The following LOXL2 variants were observed in gnomAD, a reference collection of about 807,000 sequenced individuals.
LOXL2 encodes the protein lysyl oxidase homolog 2.
A neutral mutation model predicts 93.0 loss-of-function variants in LOXL2; 70 were observed. The ratio of observed to expected loss-of-function variants is 0.75; its 90% CI spans 0.62 to 0.92. The LOEUF is 0.92. LOXL2 is among the 40% of genes least tolerant of loss of function. LOXL2 has a pLI of 0.00. For missense variants in LOXL2, 973 were observed against 1,054.9 expected (o/e 0.92, Z 1.08); for synonymous variants, 438 against 413.2 (o/e 1.06, Z -0.73).
Position 23,393,585 on chromosome 8 carries a change from C to T in LOXL2, c.-84+10369G>A, listed in dbSNP as rs1239604266. ...AAAGACCTTAATGTAAAAGCTAAAA[C>T]TGTAAAACCCTTAGAATAAAACATA... On this transcript the variant is annotated intron_variant, in intron 1 of 13. Transcript: ENST00000389131. 2.0e-5 allele frequency among the ~76,000 whole-genome samples: 3 copies of T among 152,168 alleles called. 1 individual carries two copies. The highest frequency in any genetic ancestry group is 6.5e-5 in the Admixed American group (1 of 15,278).
chr8:23,311,253 A>G (rs1377977232), intron 9 of LOXL2, among the ~76,000 whole-genome samples: 1 of 152,198 alleles, frequency 6.6e-6, no homozygotes, highest in African/African-American at 2.4e-5. Flanking sequence ...GGCATCCTCT[A>G]GAGAGCAGAT....
At chr8:23,379,289 C>G (rs1050305992) in intron 1 of LOXL2, among the ~76,000 whole-genome samples, 1 of 152,198 alleles carries the variant, frequency 6.6e-6, no homozygotes, top group Non-Finnish European at 1.5e-5. Flanking sequence ...CTGATTGTTC[C>G]TCTGGAAGCT....
rs1800119583 is a variant in LOXL2 at position 23,398,325 on chromosome 8, TTG to T, written c.-84+5627_-84+5628del. 2.6e-5 allele frequency among the ~76,000 whole-genome samples: 4 copies of T among 152,222 alleles called. No individual in the cohort carries two copies. The South Asian group carries it at 8.3e-4, about 31-fold the overall frequency. On this transcript the variant is annotated intron_variant, in intron 1 of 13. Transcript: ENST00000389131. ...CAACACATCAAGGAGGATATGTCTG[TTG>T]CCACAGGACATCCAGAGGGCCAGCT...
intron 1 of LOXL2, among the ~76,000 whole-genome samples, chr8:23,398,032 T>C (rs1427375680): frequency 6.6e-6 from 1 of 151,196 alleles, no homozygotes; most frequent in Non-Finnish European, 1.5e-5. Context: ...TTTAGAAAGA[T>C]ATTTAGAAAA....
chr8:23,397,952 C>T (rs1234513204), intron 1 of LOXL2, among the ~76,000 whole-genome samples: 3 of 112,512 alleles, frequency 2.7e-5, no homozygotes, highest in African/African-American at 1.1e-4. Context: ...CAGAGTAAGA[C>T]TCTGTCTCAA....
chr8:23,301,993 C>T, intron 12 of LOXL2, 34 bp downstream of exon 12: 1 of 1,612,766 alleles, frequency 6.2e-7, no homozygotes, highest in Non-Finnish European at 8.5e-7. Flanking sequence ...CCTCCTCCCC[C>T]TGCAGGGCTG....
Position 23,298,122 on chromosome 8 carries a change from C to T in LOXL2, c.2246G>A (p.Gly749Asp). 6.2e-7 allele frequency: 1 copy of T among 1,612,606 alleles called. No homozygotes were observed. Among genetic ancestry groups the T allele is most frequent in the Non-Finnish European group, 8.5e-7 (1 of 1,179,200 alleles). Residue 749 changes from glycine (G) to aspartate (D), a missense_variant and splice_region_variant, in exon 14 of 14, where the codon GGT (glycine) becomes GAT (aspartate). Physicochemically the swap from Gly to Asp is moderately conservative, Grantham distance 94. Coordinates refer to ENST00000389131, the MANE Select transcript of LOXL2 (RefSeq NM_002318.3). ...TTCCGTCTCTTCGCTGAAGGAACCA[C>T]CTGAAGAGCGAGAATCGGGTAGAGA... is the stretch of plus-strand genomic sequence containing the variant. ...HRIWMYNCHI[G>D]GSFSEETEKK...
chr8:23,344,143 A>G (rs1040256304), intron 3 of LOXL2, among the ~76,000 whole-genome samples: 5 of 152,236 alleles, frequency 3.3e-5, no homozygotes, highest in African/African-American at 1.2e-4. Flanking sequence ...GCCTGAGGCC[A>G]GCACACACCA....
chr8:23,378,913 T>C (rs887286955), intron 1 of LOXL2, among the ~76,000 whole-genome samples: 3 of 152,270 alleles, frequency 2.0e-5, no homozygotes, highest in Non-Finnish European at 4.4e-5. Flanking sequence ...AGTTTGATCG[T>C]CTGAAGCCTT....
chr8:23,320,011 C>T lies in LOXL2; in HGVS notation c.1344G>A (p.Val448=), dbSNP rs1803469175. ...ACCCGTTTCTCTCCACCAGCACCTC[C>T]ACTCGGCCCTCGTAGGGATTGCGGC... The part of the protein sequence containing the change: ...NGGRNPYEGR[V]EVLVERNGSL... Residue 448 remains valine (V), a synonymous_variant, in exon 8 of 14, where the codon GTG becomes GTA. Transcript: ENST00000389131. 1.9e-6 allele frequency: 3 copies of T among 1,614,018 alleles called. No homozygotes were observed. The highest frequency in any genetic ancestry group is 2.2e-5 in the East Asian group (1 of 44,894).
At chr8:23,371,341 G>C (rs1400211213) in intron 1 of LOXL2, among the ~76,000 whole-genome samples, 1 of 152,178 alleles carries the variant, frequency 6.6e-6, no homozygotes, top group Admixed American at 6.5e-5. Flanking sequence ...CAGTAAGGAG[G>C]CGTAGGAAGG....
rs1554478403 is a variant in LOXL2 at position 23,332,913 on chromosome 8, C to CA, written c.966+487_966+488insT. Among the ~76,000 whole-genome samples the CA allele has an allele frequency of 8.0e-5, 12 of 149,202 alleles. No individual in the cohort carries two copies. In the South Asian group the frequency reaches 1.3e-3, roughly 16 times the overall value. On this transcript the variant is annotated intron_variant, in intron 5 of 13. Transcript: ENST00000389131. ...ACACCCCCATACACATACACCCCCCCCACAGAGGGGGGGTGTTTCACATAA... is the reference window on the plus strand; with the variant it reads ...ACACCCCCATACACATACACCCCCCCACACAGAGGGGGGGTGTTTCACATAA...
At chr8:23,378,559 C>T (rs7818012) in intron 1 of LOXL2, among the ~76,000 whole-genome samples, 68,445 of 151,994 alleles carry the variant, frequency 0.45, 15,712 homozygotes, top group East Asian at 0.66. Context: ...CCATTCTCCC[C>T]GTCACTTTCA....
chr8:23,371,149 C>T (rs188527983), intron 1 of LOXL2: 1 of 152,208 alleles, frequency 6.6e-6, no homozygotes, highest in African/African-American at 2.4e-5. Flanking sequence ...TTCAACAGCG[C>T]AACATTTTCA....
At chr8:23,303,680 G>C (rs538316695) in intron 10 of LOXL2, among the ~76,000 whole-genome samples, 1 of 152,308 alleles carries the variant, frequency 6.6e-6, no homozygotes, top group South Asian at 2.1e-4. Flanking sequence ...GGGTACCAGG[G>C]AGGTGAGCAG....
chr8:23,303,069 C>G (rs1264669989), intron 11 of LOXL2, among the ~76,000 whole-genome samples: 1 of 152,054 alleles, frequency 6.6e-6, no homozygotes, highest in East Asian at 1.9e-4. Context: ...TGCCTGTCAG[C>G]ACAGCTCTGG....
At chr8:23,374,878 T>C (rs1804562181) in intron 1 of LOXL2, among the ~76,000 whole-genome samples, 1 of 152,224 alleles carries the variant, frequency 6.6e-6, no homozygotes, top group African/African-American at 2.4e-5. Context: ...GCAAAAATTT[T>C]CTCCCATTTT....
Position 23,360,081 on chromosome 8 carries a change from A to G in LOXL2, c.531+9T>C, listed in dbSNP as rs761447544. 1.3e-6 allele frequency: 2 copies of G among 1,592,784 alleles called. No individual in the cohort carries two copies. The highest frequency in any genetic ancestry group is 1.7e-6 in the Non-Finnish European group (2 of 1,161,926). ...TGCATGAAGGAAACATCAAGAGCAC[A>G]TGACTTGCCTCTATCTGGTTGATCA... is the stretch of plus-strand genomic sequence containing the variant. On this transcript the variant is annotated intron_variant, in intron 3 of 13. Coordinates refer to ENST00000389131, the MANE Select transcript of LOXL2 (RefSeq NM_002318.3).
At chr8:23,352,345 G>A (rs1804108233) in intron 3 of LOXL2, among the ~76,000 whole-genome samples, 2 of 152,266 alleles carry the variant, frequency 1.3e-5, no homozygotes, top group African/African-American at 4.8e-5. Context: ...GTGACCATCT[G>A]GGAATGGGGC....
Sources: gnomAD v4.1 joint callset for allele counts (sites outside exome capture counted in the v4.1 genomes callset) on GRCh38, gnomAD v4.1.1 for gene constraint, MANE v1.5 for transcripts, NCBI Gene and HGNC (gene_info 2026-07-23, HGNC 2026-07-21) for gene names.